TDP1: variants seen among roughly 807,000 people sequenced by gnomAD.
TDP1 encodes the protein tyrosyl-DNA phosphodiesterase 1.
In TDP1, 64 loss-of-function variants were observed where a neutral mutation model predicts 81.5. The ratio of observed to expected loss-of-function variants is 0.79; its 90% confidence interval spans 0.64 to 0.97. TDP1 has a LOEUF of 0.97. TDP1 is among the 50% of genes least tolerant of loss of function. The probability of loss-of-function intolerance (pLI) is 0.00; values close to 1 mark genes in which losing one functional copy is unlikely to be tolerated. For missense variants in TDP1, 723 were observed against 743.8 expected (o/e 0.97, Z 0.33); for synonymous variants, 256 against 264.3 (o/e 0.97, Z 0.30).
intron 8 of TDP1, chr14:89,984,186 A>G: frequency 3.0e-6 from 3 of 985,410 alleles, no homozygotes; most frequent in Non-Finnish European, 3.6e-6. Flanking sequence ...AAGTCTTAGA[A>G]AGCAATATAT....
intron 14 of TDP1, among the ~76,000 whole-genome samples, chr14:90,016,046 C>CT (rs1225633650): frequency 0.046 from 6,477 of 140,852 alleles, 389 homozygotes; most frequent in African/African-American, 0.14. Flanking sequence ...CTTTTTTTTT[C>CT]TTTTTTTTTT....
intron 14 of TDP1, among the ~76,000 whole-genome samples, chr14:89,998,372 T>TTATATATATATATATATATA (rs58264054): frequency 3.8e-5 from 2 of 53,122 alleles, no homozygotes; most frequent in African/African-American, 8.2e-5. Context: ...TCCAAGCACA[T>TTATATATATATATATATATA]TATATATATA....
chr14:89,994,191 C>T (rs1362849791), intron 14 of TDP1, among the ~76,000 whole-genome samples: 2 of 152,204 alleles, frequency 1.3e-5, no homozygotes, highest in Non-Finnish European at 2.9e-5. Context: ...ATTAAAGTAT[C>T]ACAGAGTAGA....
intron 5 of TDP1, chr14:89,970,745 C>T: frequency 1.1e-6 from 1 of 908,326 alleles, no homozygotes; most frequent in Non-Finnish European, 1.3e-6. Flanking sequence ...CATTCAACTA[C>T]AAAGGCCGGA....
chr14:89,963,359 A>G lies in TDP1; in HGVS notation c.245A>G (p.Gln82Arg). 2 of 1,614,208 alleles carry G rather than the reference A, an allele frequency of 1.2e-6. No homozygotes were observed. Among genetic ancestry groups the G allele is most frequent in the African/African-American group, 1.3e-5 (1 of 75,054 alleles). Residue 82 changes from glutamine (Q) to arginine (R), a missense_variant, in exon 3 of 17, where the codon CAG becomes CGG. Transcript: ENST00000335725. ...CCCAAAAGGCAGAAAAGCGGTTCCCAGGAGGACCTCGGCTGGTGTCTGTCC... is the reference window on the plus strand; with the variant it reads ...CCCAAAAGGCAGAAAAGCGGTTCCCGGGAGGACCTCGGCTGGTGTCTGTCC... ...LPPKRQKSGS[Q>R]EDLGWCLSSS...
At chr14:89,957,509 C>T (rs1462274682) in intron 2 of TDP1, among the ~76,000 whole-genome samples, 1 of 152,148 alleles carries the variant, frequency 6.6e-6, no homozygotes, top group East Asian at 1.9e-4. Flanking sequence ...TATTACTGGC[C>T]ACACAGGAAC....
chr14:89,962,090 A>G (rs79027981), intron 2 of TDP1, among the ~76,000 whole-genome samples: 11,165 of 152,278 alleles, frequency 0.073, 838 homozygotes, highest in African/African-American at 0.19. Flanking sequence ...AGAACAAGAA[A>G]GTAGAATTTG....
At chr14:89,982,971 G>A (rs1437839640) in intron 8 of TDP1, 1 of 365,784 alleles carries the variant, frequency 2.7e-6, no homozygotes, top group Non-Finnish European at 5.3e-6. Context: ...ATTAGAACAA[G>A]AGTTGCATCC....
chr14:89,965,915 G>C, intron 3 of TDP1: 4 of 975,092 alleles, frequency 4.1e-6, no homozygotes, highest in Non-Finnish European at 4.9e-6. Context: ...TGAAGTTGTA[G>C]ATTTTGGTTT....
At position 89,963,107 on chromosome 14, in the gene TDP1, G is replaced by C. The variant is rs1373509468; in HGVS notation, c.-7-1G>C. 6.2e-7 allele frequency: 1 copy of C among 1,613,980 alleles called. No individual in the cohort carries two copies. The highest frequency in any genetic ancestry group is 1.7e-5 in the Admixed American group (1 of 59,994). ...CTGATGTTTCCACTTTTCATTTCCA[G>C]GAGTATAATGTCTCAGGAAGGCGAT... is the stretch of plus-strand genomic sequence containing the variant. On this transcript the variant is annotated splice_acceptor_variant, in intron 2 of 16. Coordinates refer to ENST00000335725, the MANE Select transcript of TDP1 (RefSeq NM_018319.4). LOFTEE classifies it low-confidence loss of function (5UTR_SPLICE).
Position 90,023,254 on chromosome 14 carries a change from A to C in TDP1, c.1644+3836A>C, listed in dbSNP as rs36048828. On this transcript the variant is annotated intron_variant, in intron 15 of 16. Coordinates refer to ENST00000335725, the MANE Select transcript of TDP1 (RefSeq NM_018319.4). Reference sequence around the variant, plus strand: ...CATTCGATCTCACTCTTGAGAAAGGAGTATGAGCTTAACTGCTGTCAGGGA... The same window carrying C: ...CATTCGATCTCACTCTTGAGAAAGGCGTATGAGCTTAACTGCTGTCAGGGA... 3.9e-3 allele frequency among the ~76,000 whole-genome samples: 588 copies of C among 152,276 alleles called. 2 individuals are homozygous for C. The highest frequency in any genetic ancestry group is 0.014 in the African/African-American group (568 of 41,578).
chr14:89,975,451 G>A (rs1894174305), intron 6 of TDP1: 1 of 984,906 alleles, frequency 1.0e-6, no homozygotes, highest in Admixed American at 6.2e-5. Context: ...CTAAAACTTT[G>A]CATAGAGACT....
chr14:90,025,313 A>G (rs552701249), intron 15 of TDP1, among the ~76,000 whole-genome samples: 4 of 152,320 alleles, frequency 2.6e-5, no homozygotes, highest in South Asian at 4.1e-4. Flanking sequence ...AGCATTTCCC[A>G]TTCATGATAA....
chr14:90,031,885 C>T (rs768330731), intron 15 of TDP1, among the ~76,000 whole-genome samples: 23 of 152,312 alleles, frequency 1.5e-4, no homozygotes, highest in Admixed American at 7.2e-4. Flanking sequence ...CCCGCTCCTG[C>T]CAAGTCTAAA....
At chr14:90,026,624 G>A (rs1364390538) in intron 15 of TDP1, among the ~76,000 whole-genome samples, 2 of 150,116 alleles carry the variant, frequency 1.3e-5, no homozygotes, top group Non-Finnish European at 1.5e-5. Flanking sequence ...CCTGCCCCAC[G>A]ACAGGCCCCG....
intron 10 of TDP1, among the ~76,000 whole-genome samples, chr14:89,987,932 C>G (rs1748344756): frequency 6.6e-6 from 1 of 152,130 alleles, no homozygotes; most frequent in African/African-American, 2.4e-5. Context: ...AGGGCTCCAT[C>G]CCACAAGACT....
Position 89,998,597 on chromosome 14 carries a change from C to G in TDP1, c.1541+5114C>G, listed in dbSNP as rs535987841. On this transcript the variant is annotated intron_variant, in intron 14 of 16. Transcript: ENST00000335725. ...AGAGTCCCCACCCTCAAACACTGTC[C>G]TGTAGGGTGTGAGTGCTCGGGTTGG... Among the ~76,000 whole-genome samples, 8 of 151,394 alleles carry G rather than the reference C, an allele frequency of 5.3e-5. 1 individual carries two copies. In the South Asian group the frequency reaches 1.7e-3, roughly 32 times the overall value.
At chr14:89,974,181 G>A (rs1426684868) in intron 6 of TDP1, among the ~76,000 whole-genome samples, 1 of 152,160 alleles carries the variant, frequency 6.6e-6, no homozygotes, top group East Asian at 1.9e-4. Context: ...GATTGCTAAT[G>A]CTGTTCATCC....
chr14:89,984,062 A>G lies in TDP1; in HGVS notation c.885-454A>G, dbSNP rs951951857. ...ATAGATAACACAATTCTTATTTCAC[A>G]TTTGGCTGAAGAGCTGCATTGATGC... On this transcript the variant is annotated intron_variant, in intron 8 of 16. Coordinates refer to ENST00000335725, the MANE Select transcript of TDP1 (RefSeq NM_018319.4). 8 of 953,510 alleles carry G rather than the reference A, an allele frequency of 8.4e-6. No homozygotes were observed. In the African/African-American group the frequency reaches 1.4e-4, roughly 17 times the overall value. 59.1% of individuals were successfully genotyped at this position (953,510 alleles called of 1,614,324 possible). A position where few individuals can be genotyped will look rare whatever the true frequency, so the allele number is the denominator to read the frequency against.
Sources: allele counts gnomAD v4.1 joint callset (sites outside exome capture counted in the v4.1 genomes callset), GRCh38; gene constraint gnomAD v4.1.1; transcripts MANE v1.5; gene names NCBI Gene and HGNC (gene_info 2026-07-23, HGNC 2026-07-21).